Variants in LRRC69 observed in about 807,000 individuals in gnomAD.
The protein encoded by LRRC69 is leucine-rich repeat-containing protein 69.
A neutral mutation model predicts 37.8 loss-of-function variants in LRRC69; 42 were observed. The ratio of observed to expected loss-of-function variants is 1.11; its 90% CI spans 0.87 to 1.44. The LOEUF (loss-of-function observed/expected upper bound fraction) is 1.44, where lower values mean the gene tolerates loss of function less well. Among genes scored for constraint, LRRC69 ranks in the 40% most tolerant of loss-of-function variants. LRRC69 has a pLI of 0.00. For missense variants in LRRC69, 357 were observed against 401.9 expected, an observed-to-expected ratio of 0.89 and a Z score of 0.96; for synonymous variants, 141 against 143.1, an observed-to-expected ratio of 0.99 and a Z score of 0.11.
intron 5 of LRRC69, among the ~76,000 whole-genome samples, chr8:91,173,106 G>A (rs1809162648): frequency 6.6e-6 from 1 of 151,888 alleles, no homozygotes; most frequent in South Asian, 2.1e-4. Flanking sequence ...CTCCTAACTA[G>A]GCTATAGTTG....
At chr8:91,143,520 C>A (rs1485614714) in intron 5 of LRRC69, among the ~76,000 whole-genome samples, 1 of 151,892 alleles carries the variant, frequency 6.6e-6, no homozygotes, top group East Asian at 1.9e-4. Flanking sequence ...CATTCTGTGT[C>A]AGAGTTAAGA....
At chr8:91,183,013 T>C in intron 5 of LRRC69, among the ~76,000 whole-genome samples, 1 of 152,054 alleles carries the variant, frequency 6.6e-6, no homozygotes, top group Non-Finnish European at 1.5e-5. Flanking sequence ...AGGGGAAAGA[T>C]ACATTCCAGA....
At chr8:91,118,710 G>A (rs1003620311) in intron 1 of LRRC69, among the ~76,000 whole-genome samples, 5 of 151,934 alleles carry the variant, frequency 3.3e-5, no homozygotes, top group Non-Finnish European at 7.4e-5. Flanking sequence ...TTTAATTACT[G>A]AAGAGATGCA....
rs1472678408 is a variant in LRRC69, at chr8:91,214,908, T to TG, written c.934-3976dup. Among the ~76,000 whole-genome samples, 7 of 152,102 alleles carry TG rather than the reference T, an allele frequency of 4.6e-5. No individual in the cohort carries two copies. The East Asian group carries it at 1.4e-3, about 29-fold the overall frequency. On this transcript the variant is annotated intron_variant, in intron 7 of 7. Transcript: ENST00000448384. ...GGCTGGGTTTCCATCTGGAGGCTCCTGGGGGGAACCATTTTCTGGCCCTTG... is the reference window on the plus strand; with the variant it reads ...GGCTGGGTTTCCATCTGGAGGCTCCTGGGGGGGAACCATTTTCTGGCCCTTG...
chr8:91,205,845 C>T (rs1809794764), intron 7 of LRRC69, among the ~76,000 whole-genome samples: 1 of 152,012 alleles, frequency 6.6e-6, no homozygotes, highest in African/African-American at 2.4e-5. Flanking sequence ...GTAGTGGTTG[C>T]CTATAAAAGT....
chr8:91,177,168 A>G (rs1269077172), intron 5 of LRRC69, among the ~76,000 whole-genome samples: 1 of 152,178 alleles, frequency 6.6e-6, no homozygotes, highest in African/African-American at 2.4e-5. Context: ...CATAGATGGC[A>G]ATTTTAAATG....
At chr8:91,203,934 A>C (rs762823071) in intron 7 of LRRC69, among the ~76,000 whole-genome samples, 6 of 151,370 alleles carry the variant, frequency 4.0e-5, no homozygotes, top group Non-Finnish European at 8.8e-5. Flanking sequence ...CCTGGCTAAC[A>C]CAGTGAAACC....
chr8:91,165,717 AT>A (rs1169261398), intron 5 of LRRC69, among the ~76,000 whole-genome samples: 6 of 151,778 alleles, frequency 4.0e-5, no homozygotes, highest in Non-Finnish European at 7.4e-5. Context: ...ATATATTTTA[AT>A]TTTTTTCATT....
intron 5 of LRRC69, among the ~76,000 whole-genome samples, chr8:91,160,400 A>C (rs1353161842): frequency 2.7e-5 from 4 of 150,468 alleles, no homozygotes; most frequent in African/African-American, 9.7e-5. Flanking sequence ...TGTCTTGCCT[A>C]ATTACTCTCT....
At chr8:91,166,960 CT>C (rs1307436761) in intron 5 of LRRC69, among the ~76,000 whole-genome samples, 5 of 151,178 alleles carry the variant, frequency 3.3e-5, no homozygotes, top group African/African-American at 1.2e-4. Flanking sequence ...ACTCCGGTGC[CT>C]TTGCCCACTT....
chr8:91,213,199 C>A (rs1268935674), intron 7 of LRRC69, among the ~76,000 whole-genome samples: 1 of 152,120 alleles, frequency 6.6e-6, no homozygotes, highest in East Asian at 1.9e-4. Context: ...TGCTGCTTAG[C>A]TGGGTGGCTG....
chr8:91,207,965 G>C (rs1809835080), intron 7 of LRRC69, among the ~76,000 whole-genome samples: 1 of 152,204 alleles, frequency 6.6e-6, no homozygotes, highest in Non-Finnish European at 1.5e-5. Flanking sequence ...TTCTCCTGCA[G>C]CCTCTCTTTT....
chr8:91,141,979 A>G (rs1160931285), intron 5 of LRRC69, among the ~76,000 whole-genome samples: 1 of 152,028 alleles, frequency 6.6e-6, no homozygotes, highest in Non-Finnish European at 1.5e-5. Flanking sequence ...TTAGGTCAGA[A>G]AACTCAGTCT....
At chr8:91,158,378 A>T (rs1303961644) in intron 5 of LRRC69, 4 of 1,422,148 alleles carry the variant, frequency 2.8e-6, no homozygotes, top group Non-Finnish European at 4.0e-6. Flanking sequence ...TGACAACATC[A>T]AAACAAACTC....
chr8:91,213,099 A>C, intron 7 of LRRC69, among the ~76,000 whole-genome samples: 1 of 152,104 alleles, frequency 6.6e-6, no homozygotes, highest in Non-Finnish European at 1.5e-5. Context: ...GTGTATCATC[A>C]AAATGTTGAA....
At chr8:91,188,575 T>C (rs1211863450) in intron 5 of LRRC69, among the ~76,000 whole-genome samples, 1 of 152,192 alleles carries the variant, frequency 6.6e-6, no homozygotes, top group African/African-American at 2.4e-5. Flanking sequence ...AGATAGGTCA[T>C]ATGTCCCCAT....
At chr8:91,112,069 G>A (rs950537524) in intron 1 of LRRC69, among the ~76,000 whole-genome samples, 2 of 151,926 alleles carry the variant, frequency 1.3e-5, no homozygotes, top group African/African-American at 4.8e-5. Context: ...CCAAGATATT[G>A]TTAGTATTTA....
intron 3 of LRRC69, 33 bp downstream of exon 3, chr8:91,127,193 AT>A (rs1563597373): frequency 6.8e-7 from 1 of 1,478,150 alleles, no homozygotes; most frequent in South Asian, 1.2e-5. Context: ...TTGGTTAACA[AT>A]CGTGCCCCTC....
Position 91,155,498 on chromosome 8 carries a change from A to G in LRRC69, c.651+19759A>G, listed in dbSNP as rs72666029. ...GCTGGAAACATTCAACAACCTATCT[A>G]TTTGAAATTCATCTATTTGAAAACA... On this transcript the variant is annotated intron_variant, in intron 5 of 7. Coordinates refer to ENST00000448384, the Ensembl canonical transcript of LRRC69. 4.8e-3 allele frequency among the ~76,000 whole-genome samples: 731 copies of G among 151,016 alleles called. 5 individuals are homozygous for G. The highest frequency in any genetic ancestry group is 6.2e-3 in the Non-Finnish European group (421 of 67,390).
Sources: gnomAD v4.1 joint callset for allele counts (sites outside exome capture counted in the v4.1 genomes callset) on GRCh38, gnomAD v4.1.1 for gene constraint, MANE v1.5 for transcripts, NCBI Gene and HGNC (gene_info 2026-07-23, HGNC 2026-07-21) for gene names.